The following ALPK2 variants were observed in gnomAD, a reference collection of about 807,000 sequenced individuals.
ALPK2 encodes the protein alpha kinase 2.
A neutral mutation model predicts 163.1 loss-of-function variants in ALPK2; 127 were observed. That is an observed-to-expected ratio of 0.78 (90% CI 0.67 to 0.90). The LOEUF (loss-of-function observed/expected upper bound fraction) is 0.90, where lower values mean the gene tolerates loss of function less well. ALPK2 is among the 40% of genes least tolerant of loss of function. The pLI, the probability that ALPK2 is intolerant of heterozygous loss-of-function variation, is 0.00. For missense variants in ALPK2, 2,360 were observed against 2,589.6 expected, an observed-to-expected ratio of 0.91 and a Z score of 1.92; for synonymous variants, 953 against 959.1, an observed-to-expected ratio of 0.99 and a Z score of 0.12.
At chr18:58,539,242 T>G (rs1415614782) in intron 4 of ALPK2, among the ~76,000 whole-genome samples, 1 of 152,066 alleles carries the variant, frequency 6.6e-6, no homozygotes, top group Non-Finnish European at 1.5e-5. Flanking sequence ...CATCCCAGAA[T>G]GTATCCCAGA....
At chr18:58,627,407 G>A (rs924071871) in intron 1 of ALPK2, among the ~76,000 whole-genome samples, 3 of 152,310 alleles carry the variant, frequency 2.0e-5, no homozygotes, top group Non-Finnish European at 4.4e-5. Flanking sequence ...GATCACCTGA[G>A]GTCAGGAGTT....
intron 5 of ALPK2, among the ~76,000 whole-genome samples, chr18:58,531,996 G>A (rs1398278673): frequency 6.8e-6 from 1 of 147,370 alleles, no homozygotes; most frequent in Non-Finnish European, 1.5e-5. Context: ...CCCTCTGAAT[G>A]CTGCCATTCC....
intron 4 of ALPK2, among the ~76,000 whole-genome samples, chr18:58,542,239 A>G (rs1002374813): frequency 9.9e-5 from 15 of 152,190 alleles, no homozygotes; most frequent in African/African-American, 3.4e-4. Context: ...CTCCTCCTCT[A>G]AGACTAACCA....
intron 8 of ALPK2, among the ~76,000 whole-genome samples, chr18:58,519,046 A>G (rs28706883): frequency 0.015 from 2,274 of 152,312 alleles, 52 homozygotes; most frequent in African/African-American, 0.051. Flanking sequence ...TTCTTCCCCA[A>G]TAACTCCTAC....
intron 12 of ALPK2, among the ~76,000 whole-genome samples, chr18:58,495,712 A>G (rs1294398855): frequency 6.6e-6 from 1 of 152,176 alleles, no homozygotes; most frequent in Non-Finnish European, 1.5e-5. Context: ...AAATTTGCCT[A>G]CTCTGGTGTC....
intron 3 of ALPK2, among the ~76,000 whole-genome samples, chr18:58,592,718 G>A (rs1468963692): frequency 6.6e-6 from 1 of 152,214 alleles, no homozygotes; most frequent in Non-Finnish European, 1.5e-5. Flanking sequence ...ATTCGAAGCC[G>A]ATTGCAGAGG....
intron 4 of ALPK2, among the ~76,000 whole-genome samples, chr18:58,542,804 A>G (rs2051696710): frequency 6.6e-6 from 1 of 152,150 alleles, no homozygotes; most frequent in Non-Finnish European, 1.5e-5. Flanking sequence ...GTCAGCATGC[A>G]GTGGCGTGGG....
Position 58,487,813 on chromosome 18 carries a change from G to A in ALPK2, c.6297-5774C>T, listed in dbSNP as rs2051347611. 2.0e-5 allele frequency among the ~76,000 whole-genome samples: 3 copies of A among 152,092 alleles called. No homozygotes were observed. The South Asian group carries it at 6.2e-4, about 32-fold the overall frequency. Reference sequence around the variant, plus strand: ...GAAACAGGAGGTTAGCTGGAGCCCAGGAATACAAGACCAGCCTGGGCAACA... The same window carrying A: ...GAAACAGGAGGTTAGCTGGAGCCCAAGAATACAAGACCAGCCTGGGCAACA... On this transcript the variant is annotated intron_variant, in intron 12 of 12. Coordinates refer to ENST00000361673, the MANE Select transcript of ALPK2 (RefSeq NM_052947.4).
intron 4 of ALPK2, among the ~76,000 whole-genome samples, chr18:58,575,617 C>T (rs2051917038): frequency 1.3e-5 from 2 of 152,150 alleles, no homozygotes; most frequent in South Asian, 4.1e-4. Flanking sequence ...TTAAGATGGG[C>T]AGGCTGTCAG....
In ALPK2 at chr18:58,579,484, A is replaced by G; in HGVS notation, c.1292T>C (p.Leu431Pro). The change falls in exon 4 of 13, where the codon CTC becomes CCC. Residue 431 changes from leucine to proline, a missense_variant. Transcript: ENST00000361673. ...GPSSPQTGMT[L>P]ILGPHQDGTS... ...TCCATCCTGGTGAGGTCCCAAAATGAGAGTCATCCCTGTTTGTGGGGATGA... is the reference window on the plus strand; with the variant it reads ...TCCATCCTGGTGAGGTCCCAAAATGGGAGTCATCCCTGTTTGTGGGGATGA... 1.2e-6 allele frequency: 2 copies of G among 1,614,090 alleles called. No individual in the cohort carries two copies. Among genetic ancestry groups the G allele is most frequent in the Non-Finnish European group, 1.7e-6 (2 of 1,180,024 alleles).
intron 3 of ALPK2, among the ~76,000 whole-genome samples, chr18:58,606,160 C>T (rs1193279600): frequency 6.6e-6 from 1 of 152,168 alleles, no homozygotes. Flanking sequence ...CTCACTACAG[C>T]CTCAAACTCC....
intron 11 of ALPK2, among the ~76,000 whole-genome samples, chr18:58,502,214 G>A (rs1056333226): frequency 6.6e-6 from 1 of 150,866 alleles, no homozygotes. Flanking sequence ...AATTAGCCAA[G>A]TGTGATGGCA....
chr18:58,530,168 G>T (rs891703154), intron 5 of ALPK2, among the ~76,000 whole-genome samples: 1 of 152,118 alleles, frequency 6.6e-6, no homozygotes, highest in Non-Finnish European at 1.5e-5. Context: ...ATTATACTAC[G>T]GTGAAAATAT....
intron 1 of ALPK2, among the ~76,000 whole-genome samples, chr18:58,612,279 T>A (rs888520205): frequency 1.3e-5 from 2 of 152,180 alleles, no homozygotes; most frequent in Admixed American, 6.5e-5. Context: ...CTTCTTAAAG[T>A]CTTTTCACAC....
intron 11 of ALPK2, among the ~76,000 whole-genome samples, chr18:58,500,910 C>T (rs1175907957): frequency 3.3e-5 from 5 of 152,186 alleles, no homozygotes; most frequent in Non-Finnish European, 7.3e-5. Flanking sequence ...TCTTTTACCC[C>T]ACAAACCTGC....
chr18:58,494,687 A>G (rs897398440), intron 12 of ALPK2, among the ~76,000 whole-genome samples: 2 of 152,126 alleles, frequency 1.3e-5, no homozygotes, highest in African/African-American at 4.8e-5. Context: ...TGCATCATGA[A>G]TGAACTAAGC....
At chr18:58,595,367 T>C (rs2052035880) in intron 3 of ALPK2, among the ~76,000 whole-genome samples, 1 of 152,200 alleles carries the variant, frequency 6.6e-6, no homozygotes, top group Admixed American at 6.5e-5. Context: ...CCCCGGCATA[T>C]AGTAGGCCCT....
Position 58,580,350 on chromosome 18 carries a change from C to T in ALPK2, c.426G>A (p.Glu142=), listed in dbSNP as rs1196842041. The change falls in exon 4 of 13, where the codon GAG becomes GAA. Residue 142 remains glutamate, a synonymous_variant. Coordinates refer to ENST00000361673, the MANE Select transcript of ALPK2 (RefSeq NM_052947.4). ...CTTCTTCCTTATAAGGATGTTCCTT[C>T]TCATCAATCTGATTTGCCCTTTCTT... is the stretch of plus-strand genomic sequence containing the variant. ...HEEERANQID[E]KEHPYKEEES... is the part of the protein sequence containing the mutation. The T allele has an allele frequency of 6.2e-7, 1 of 1,614,142 alleles. No individual in the cohort carries two copies.
At chr18:58,589,102 C>T (rs1490796268) in intron 3 of ALPK2, among the ~76,000 whole-genome samples, 1 of 152,156 alleles carries the variant, frequency 6.6e-6, no homozygotes, top group African/African-American at 2.4e-5. Context: ...AGCCTGGATA[C>T]ACTGTCACAG....
Sources: gnomAD v4.1 joint callset for allele counts (sites outside exome capture counted in the v4.1 genomes callset) on GRCh38, gnomAD v4.1.1 for gene constraint, MANE v1.5 for transcripts, NCBI Gene and HGNC (gene_info 2026-07-23, HGNC 2026-07-21) for gene names.